Variants in KTN1 observed in about 807,000 individuals in gnomAD.
KTN1 encodes the protein kinectin 1, also known as kinectin.
A neutral mutation model predicts 222.5 loss-of-function variants in KTN1; 130 were observed. The ratio of observed to expected loss-of-function variants is 0.58; its 90% CI spans 0.51 to 0.68. KTN1 has a LOEUF of 0.68. KTN1 is among the 30% of genes least tolerant of loss of function. KTN1 has a pLI of 0.00. For synonymous variants in KTN1, 512 were observed against 496.3 expected, an observed-to-expected ratio of 1.03 and a Z score of -0.42; for missense variants, 1,508 against 1,500.4, an observed-to-expected ratio of 1.01 and a Z score of -0.08.
chr14:55,648,100 A>G lies in KTN1; in HGVS notation c.2283A>G (p.Lys761=), dbSNP rs1343899183. The change falls in exon 20 of 44, where the codon AAA becomes AAG. Residue 761 remains lysine (K), a synonymous_variant. Coordinates refer to ENST00000395314, the MANE Select transcript of KTN1 (RefSeq NM_001079521.2). Reference sequence around the variant, plus strand: ...CTGGACTTATTCAGGTGGCAACTAAAGAAGAGGAGCTGAATGTAAAGCATT... The same window carrying G: ...CTGGACTTATTCAGGTGGCAACTAAGGAAGAGGAGCTGAATGTAAAGCATT... The part of the protein sequence containing the change: ...LETGLIQVAT[K]EEELNAIRTE... 2 of 1,549,782 alleles carry G rather than the reference A, an allele frequency of 1.3e-6. No homozygotes were observed. Among genetic ancestry groups the G allele is most frequent in the Non-Finnish European group, 1.8e-6 (2 of 1,138,712 alleles).
Position 55,646,457 on chromosome 14 carries a change from T to TC in KTN1, c.2173-514dup, listed in dbSNP as rs1491016928. ...TTTCCTTTCCTTTTCCTTTTCCTTT[T>TC]CCTTTTCCTTTCCTTTCCTTTCCTT... On this transcript the variant is annotated intron_variant, in intron 18 of 43. Coordinates refer to ENST00000395314, the MANE Select transcript of KTN1 (RefSeq NM_001079521.2). 6.1e-3 allele frequency among the ~76,000 whole-genome samples: 568 copies of TC among 92,764 alleles called. 25 individuals are homozygous for TC. The highest frequency in any genetic ancestry group is 0.031 in the East Asian group (100 of 3,232). 60.9% of individuals were successfully genotyped at this position (92,764 alleles called of 152,430 possible). A position where few individuals can be genotyped will look rare whatever the true frequency, so the allele number is the denominator to read the frequency against.
chr14:55,633,565 T>C (rs900890044), intron 8 of KTN1, among the ~76,000 whole-genome samples: 4 of 151,582 alleles, frequency 2.6e-5, no homozygotes, highest in Admixed American at 2.0e-4. Context: ...TATATACTTA[T>C]ACAAATACAT....
intron 40 of KTN1, 25 bp from the exon 41 acceptor site, chr14:55,675,810 T>G (rs376388313): frequency 3.4e-6 from 5 of 1,460,438 alleles, no homozygotes; most frequent in Non-Finnish European, 4.8e-6. Context: ...ATTAAGTTAA[T>G]TGTGGTGTTC....
At chr14:55,680,369 GT>G (rs540631095) in intron 43 of KTN1, 15,601 of 148,126 alleles carry the variant, frequency 0.11, 801 homozygotes, top group African/African-American at 0.16. Flanking sequence ...TGGTTGTAGG[GT>G]TTTTTTTTTT....
chr14:55,583,101 T>C (rs2032106668), intron 1 of KTN1, among the ~76,000 whole-genome samples: 1 of 152,154 alleles, frequency 6.6e-6, no homozygotes, highest in Non-Finnish European at 1.5e-5. Context: ...CCTCTATAAA[T>C]AGAAAATTAA....
chr14:55,619,036 TG>T, intron 4 of KTN1, 145 bp from the exon 5 acceptor site: 1 of 607,346 alleles, frequency 1.6e-6, no homozygotes, highest in Non-Finnish European at 2.9e-6. Context: ...CTGGAGTATT[TG>T]TTTTATTTAA....
chr14:55,625,674 A>C (rs1435849983), intron 5 of KTN1, among the ~76,000 whole-genome samples: 6 of 152,146 alleles, frequency 3.9e-5, no homozygotes, highest in Non-Finnish European at 7.4e-5. Flanking sequence ...TTTTGTCAAA[A>C]AATTTTCGAA....
chr14:55,678,287 T>A, intron 41 of KTN1, 65 bp from the exon 42 acceptor site: 1 of 949,746 alleles, frequency 1.1e-6, no homozygotes, highest in Non-Finnish European at 1.7e-6. Context: ...ATGAATAAAA[T>A]TATTCATTTT....
intron 3 of KTN1, among the ~76,000 whole-genome samples, 181 bp from the exon 4 acceptor site, chr14:55,617,783 G>T (rs1277690352): frequency 6.6e-6 from 1 of 152,106 alleles, no homozygotes; most frequent in Non-Finnish European, 1.5e-5. Context: ...CTGTTGAGCT[G>T]GTACGGCTTC....
intron 10 of KTN1, among the ~76,000 whole-genome samples, chr14:55,636,935 A>C (rs948572308): frequency 3.3e-5 from 5 of 152,000 alleles, no homozygotes; most frequent in Non-Finnish European, 7.4e-5. Context: ...CCCATTTAAT[A>C]CATGCTAACG....
chr14:55,658,931 C>G (rs1288198596), intron 30 of KTN1, among the ~76,000 whole-genome samples: 1 of 152,152 alleles, frequency 6.6e-6, no homozygotes, highest in African/African-American at 2.4e-5. Context: ...TGTGTACACA[C>G]TCTTATCTCC....
chr14:55,624,325 G>A (rs1390576080), intron 5 of KTN1, among the ~76,000 whole-genome samples: 2 of 152,192 alleles, frequency 1.3e-5, no homozygotes, highest in East Asian at 3.9e-4. Flanking sequence ...ATAAATACAG[G>A]GCACTGGCAT....
intron 6 of KTN1, among the ~76,000 whole-genome samples, chr14:55,629,636 G>C (rs921576866): frequency 6.6e-6 from 1 of 152,086 alleles, no homozygotes; most frequent in African/African-American, 2.4e-5. Context: ...GCTTTAAAAT[G>C]TTCTTTCGTG....
chr14:55,635,324 C>A (rs2041000622), intron 9 of KTN1, among the ~76,000 whole-genome samples: 1 of 152,132 alleles, frequency 6.6e-6, no homozygotes, highest in East Asian at 1.9e-4. Context: ...TTAGGGTCTA[C>A]AGTATAGGGC....
intron 18 of KTN1, 41 bp downstream of exon 18, chr14:55,641,801 T>C (rs1307954762): frequency 6.5e-6 from 8 of 1,234,574 alleles, no homozygotes; most frequent in Non-Finnish European, 9.5e-6. Flanking sequence ...ATACTTGTTA[T>C]ATAACAAGAT....
chr14:55,607,962 C>G (rs930984770), intron 1 of KTN1, among the ~76,000 whole-genome samples: 1 of 152,154 alleles, frequency 6.6e-6, no homozygotes, highest in Non-Finnish European at 1.5e-5. Flanking sequence ...GCAAAAATCA[C>G]CAGTGTTATT....
At chr14:55,581,290 G>A (rs540346290) in intron 1 of KTN1, among the ~76,000 whole-genome samples, 70 of 152,360 alleles carry the variant, frequency 4.6e-4, no homozygotes, top group Non-Finnish European at 8.1e-4. Context: ...ACCTTGACTA[G>A]GTTAGGTTGA....
intron 1 of KTN1, among the ~76,000 whole-genome samples, chr14:55,583,611 C>T (rs933057552): frequency 6.6e-6 from 1 of 152,180 alleles, no homozygotes; most frequent in Admixed American, 6.5e-5. Flanking sequence ...TTCTATCTTA[C>T]ATCTTCTACT....
chr14:55,649,728 A>G lies in KTN1; in HGVS notation c.2368-48A>G, dbSNP rs373496737. Reference sequence around the variant, plus strand: ...TAATGTGCATTTCTATTTCTGACCCATTTCTATTTTGAACAAATTACTAAG... The same window carrying G: ...TAATGTGCATTTCTATTTCTGACCCGTTTCTATTTTGAACAAATTACTAAG... On this transcript the variant is annotated intron_variant, in intron 21 of 43. Coordinates refer to ENST00000395314, the MANE Select transcript of KTN1 (RefSeq NM_001079521.2). 2.8e-5 allele frequency: 31 copies of G among 1,114,658 alleles called. No homozygotes were observed. In the African/African-American group the frequency reaches 4.7e-4, roughly 17 times the overall value. 69.0% of individuals were successfully genotyped at this position (1,114,658 alleles called of 1,614,324 possible). A position where few individuals can be genotyped will look rare whatever the true frequency, so the allele number is the denominator to read the frequency against.
Sources: allele counts gnomAD v4.1 joint callset (sites outside exome capture counted in the v4.1 genomes callset), GRCh38; gene constraint gnomAD v4.1.1; transcripts MANE v1.5; gene names NCBI Gene and HGNC (gene_info 2026-07-23, HGNC 2026-07-21).